Variants in FGF1 observed in about 807,000 individuals in gnomAD.
FGF1 encodes the protein beta-endothelial cell growth factor.
In FGF1, 9 loss-of-function variants were observed where a neutral mutation model predicts 13.4. The ratio of observed to expected loss-of-function variants is 0.67; its 90% CI spans 0.40 to 1.17. The LOEUF (loss-of-function observed/expected upper bound fraction) is 1.17, where lower values mean the gene tolerates loss of function less well. Ranked by LOEUF, FGF1 falls within the 50% of genes most tolerant of loss-of-function variation. The pLI, the probability that FGF1 is intolerant of heterozygous loss-of-function variation, is 0.01. For missense variants in FGF1, 156 were observed against 192.7 expected (o/e 0.81, Z 1.13); for synonymous variants, 93 against 79.0 (o/e 1.18, Z -0.94).
chr5:142,661,495 G>A (rs1769212301), intron 1 of FGF1, among the ~76,000 whole-genome samples: 2 of 152,118 alleles, frequency 1.3e-5, no homozygotes, highest in Admixed American at 6.5e-5. Flanking sequence ...ATGCAACTAA[G>A]AGAAATGAAA....
intron 1 of FGF1, among the ~76,000 whole-genome samples, chr5:142,665,815 A>T (rs1218228868): frequency 6.6e-6 from 1 of 152,164 alleles, no homozygotes; most frequent in Non-Finnish European, 1.5e-5. Flanking sequence ...ACAACCAATA[A>T]GCTTTTCCTT....
chr5:142,660,170 G>A (rs1044159844), intron 1 of FGF1, among the ~76,000 whole-genome samples: 1 of 152,238 alleles, frequency 6.6e-6, no homozygotes, highest in African/African-American at 2.4e-5. Flanking sequence ...CCATCTTCAC[G>A]CTCATCCGGG....
intron 1 of FGF1, among the ~76,000 whole-genome samples, chr5:142,674,874 G>A (rs1042953156): frequency 2.6e-5 from 4 of 152,166 alleles, no homozygotes; most frequent in Admixed American, 6.5e-5. Context: ...CAGAATAAGA[G>A]GGAGAGGCCT....
At chr5:142,685,428 G>C (rs1168976425) in intron 1 of FGF1, 1 of 152,152 alleles carries the variant, frequency 6.6e-6, no homozygotes, top group African/African-American at 2.4e-5. Context: ...GCTTTTCCAA[G>C]GCAGCTGAAT....
At chr5:142,685,493 A>T (rs1750951766) in intron 1 of FGF1, 1 of 152,116 alleles carries the variant, frequency 6.6e-6, no homozygotes, top group Non-Finnish European at 1.5e-5. Flanking sequence ...TGCTAGCCAC[A>T]CTCACCACAG....
chr5:142,673,709 T>A (rs1771922308), intron 1 of FGF1, among the ~76,000 whole-genome samples: 1 of 152,228 alleles, frequency 6.6e-6, no homozygotes, highest in Non-Finnish European at 1.5e-5. Context: ...CTAAATCATG[T>A]CCCTGCCTTT....
chr5:142,639,435 G>C (rs1764800422), intron 1 of FGF1, among the ~76,000 whole-genome samples: 1 of 151,972 alleles, frequency 6.6e-6, no homozygotes, highest in Non-Finnish European at 1.5e-5. Context: ...GATGAACCTA[G>C]AGGACATTAT....
intron 1 of FGF1, among the ~76,000 whole-genome samples, chr5:142,675,657 C>G (rs1772418690): frequency 6.6e-6 from 1 of 152,208 alleles, no homozygotes; most frequent in Non-Finnish European, 1.5e-5. Flanking sequence ...GGAGCTCTTA[C>G]AGATAAGGCA....
chr5:142,680,650 C>T (rs1773542170), intron 1 of FGF1: 1 of 152,190 alleles, frequency 6.6e-6, no homozygotes, highest in Non-Finnish European at 1.5e-5. Context: ...GTACCCAGCA[C>T]ATAATAACTC....
chr5:142,692,354 C>T (rs1752357534), intron 2 of FGF1, among the ~76,000 whole-genome samples: 1 of 152,072 alleles, frequency 6.6e-6, no homozygotes, highest in African/African-American at 2.4e-5. Context: ...ATAGCAGCAA[C>T]AACAAACTAA....
At chr5:142,612,764 TC>T (rs1443319021) in intron 2 of FGF1, among the ~76,000 whole-genome samples, 2 of 152,042 alleles carry the variant, frequency 1.3e-5, no homozygotes, top group Non-Finnish European at 2.9e-5. Context: ...GCTCCTCATC[TC>T]CAGGGTCTGT....
At chr5:142,689,335 A>C (rs904137526), upstream of FGF1, among the ~76,000 whole-genome samples, 2 of 152,214 alleles carry the variant, frequency 1.3e-5, no homozygotes, top group African/African-American at 4.8e-5. Flanking sequence ...CCAATGAGGC[A>C]GTTAGATGAA....
chr5:142,675,503 TTTC>T (rs1316008802), intron 1 of FGF1, among the ~76,000 whole-genome samples: 14 of 152,156 alleles, frequency 9.2e-5, no homozygotes, highest in Admixed American at 9.2e-4. Context: ...CCACTGGGTT[TTTC>T]CATATCCACA....
intron 1 of FGF1, among the ~76,000 whole-genome samples, chr5:142,647,724 C>A (rs1304028681): frequency 2.0e-5 from 3 of 152,128 alleles, no homozygotes; most frequent in Non-Finnish European, 4.4e-5. Flanking sequence ...TTGACTTTGA[C>A]CTGTCACATG....
At chr5:142,611,182 C>G (rs945588204) in intron 2 of FGF1, among the ~76,000 whole-genome samples, 1 of 152,136 alleles carries the variant, frequency 6.6e-6, no homozygotes, top group East Asian at 1.9e-4. Context: ...CATGCCTGGC[C>G]GAGGCAATTC....
chr5:142,676,362 T>C (rs7708928), intron 1 of FGF1, among the ~76,000 whole-genome samples: 49,442 of 152,136 alleles, frequency 0.32, 8,628 homozygotes, highest in African/African-American at 0.46. Flanking sequence ...CTTACACCAA[T>C]CCTATGAGAT....
At chr5:142,681,170 T>A (rs963496669) in intron 1 of FGF1, among the ~76,000 whole-genome samples, 22 of 152,204 alleles carry the variant, frequency 1.4e-4, no homozygotes, top group African/African-American at 5.1e-4. Context: ...TTGAGCAATT[T>A]GGTATAAAAC....
intron 1 of FGF1, among the ~76,000 whole-genome samples, chr5:142,621,003 G>C (rs558065150): frequency 6.6e-6 from 1 of 152,248 alleles, no homozygotes; most frequent in South Asian, 2.1e-4. Context: ...CCTCACTTCT[G>C]TTGCCTTAGC....
intron 1 of FGF1, among the ~76,000 whole-genome samples, chr5:142,614,642 G>T (rs1759825099): frequency 6.6e-6 from 1 of 152,140 alleles, no homozygotes; most frequent in Non-Finnish European, 1.5e-5. Flanking sequence ...AGATGGCCTG[G>T]ACGTTCGGGA....
Sources: gnomAD v4.1 joint callset for allele counts (sites outside exome capture counted in the v4.1 genomes callset) on GRCh38, gnomAD v4.1.1 for gene constraint, MANE v1.5 for transcripts, NCBI Gene and HGNC (gene_info 2026-07-23, HGNC 2026-07-21) for gene names.